The following SLIT2 variants were observed in gnomAD, a reference collection of about 807,000 sequenced individuals.
SLIT2 encodes slit guidance ligand 2, also known as slit homolog 2 protein.
In SLIT2, 41 loss-of-function variants were observed where a neutral mutation model predicts 185.7. That is an observed-to-expected ratio of 0.22 (90% CI 0.17 to 0.29). SLIT2 has a LOEUF of 0.29. Ranked by LOEUF, SLIT2 falls within the 10% of genes least tolerant of loss-of-function variation. The probability of loss-of-function intolerance (pLI) is 1.00; values close to 1 mark genes in which losing one functional copy is unlikely to be tolerated. For missense variants in SLIT2, 1,571 were observed against 1,909.0 expected (o/e 0.82, Z 3.30); for synonymous variants, 693 against 680.2 (o/e 1.02, Z -0.29).
At chr4:20,595,952 G>T (rs933574930) in intron 31 of SLIT2, 118 bp downstream of exon 31, 15 of 857,822 alleles carry the variant, frequency 1.7e-5, no homozygotes, top group Non-Finnish European at 2.7e-5. Flanking sequence ...TAACTGGATT[G>T]TTTGTAACAC....
At chr4:20,557,866 G>A (rs1365522240) in intron 26 of SLIT2, among the ~76,000 whole-genome samples, 1 of 152,018 alleles carries the variant, frequency 6.6e-6, no homozygotes, top group Non-Finnish European at 1.5e-5. Flanking sequence ...GGAAGAAGTT[G>A]ATTCCAATCT....
At chr4:20,300,166 T>C (rs1716905523) in intron 4 of SLIT2, among the ~76,000 whole-genome samples, 1 of 152,068 alleles carries the variant, frequency 6.6e-6, no homozygotes, top group Non-Finnish European at 1.5e-5. Flanking sequence ...CATGACTCTA[T>C]TATATGACTT....
rs1260071971 is a variant in SLIT2 at position 20,518,255 on chromosome 4, ATTT to A, written c.1059-1114_1059-1112del. 1.6e-3 allele frequency among the ~76,000 whole-genome samples: 138 copies of A among 87,488 alleles called. 3 individuals carry two copies. The highest frequency in any genetic ancestry group is 5.2e-3 in the African/African-American group (130 of 24,802). 57.4% of individuals were successfully genotyped at this position (87,488 alleles called of 152,430 possible). Reference sequence around the variant, plus strand: ...TGTGTGTGTGTATATATATATATATATTTTTTTTTTTTTTTGAGACAGAGTCTC... The same window carrying A: ...TGTGTGTGTGTATATATATATATATATTTTTTTTTTTTGAGACAGAGTCTC... On this transcript the variant is annotated intron_variant, in intron 11 of 36. Transcript: ENST00000504154.
intron 4 of SLIT2, among the ~76,000 whole-genome samples, chr4:20,455,574 T>C (rs1712976749): frequency 6.6e-6 from 1 of 152,142 alleles, no homozygotes; most frequent in South Asian, 2.1e-4. Flanking sequence ...AAAAATGTGT[T>C]ATATTTATAC....
At chr4:20,383,865 G>T (rs1403055956) in intron 4 of SLIT2, among the ~76,000 whole-genome samples, 1 of 151,990 alleles carries the variant, frequency 6.6e-6, no homozygotes, top group Non-Finnish European at 1.5e-5. Flanking sequence ...ACCATGCCTG[G>T]CTAATTTTTT....
At chr4:20,518,777 T>G (rs1387370109) in intron 11 of SLIT2, among the ~76,000 whole-genome samples, 1 of 140,598 alleles carries the variant, frequency 7.1e-6, no homozygotes, top group Non-Finnish European at 1.5e-5. Context: ...GCTAATTTTT[T>G]TGTGTTTTTT....
chr4:20,270,555 C>A lies in SLIT2; in HGVS notation c.395+1674C>A, dbSNP rs917184090. 4.6e-5 allele frequency among the ~76,000 whole-genome samples: 7 copies of A among 151,936 alleles called. 1 individual carries two copies. The highest frequency in any genetic ancestry group is 7.4e-5 in the Non-Finnish European group (5 of 67,884). ...ACAGCATTTCCTAATTAATTAAATG[C>A]GTGTTGGAAAATGGGGAAACAGGCA... On this transcript the variant is annotated intron_variant, in intron 4 of 36. Coordinates refer to ENST00000504154, the MANE Select transcript of SLIT2 (RefSeq NM_004787.4).
chr4:20,493,372 G>T (rs940595267), intron 9 of SLIT2, among the ~76,000 whole-genome samples: 2 of 152,138 alleles, frequency 1.3e-5, no homozygotes, highest in South Asian at 4.1e-4. Context: ...TCTCATAAGG[G>T]AACTATATAG....
rs773059049 is a variant in SLIT2 at position 20,541,643 on chromosome 4, T to C, written c.2143+24T>C. ...CGGTAAGAAATACTTATCAACTCTT[T>C]GATTGTCAGGCATTCACATGCCTGT... On this transcript the variant is annotated intron_variant, in intron 20 of 36. Transcript: ENST00000504154. 1.9e-6 allele frequency: 3 copies of C among 1,607,060 alleles called. No homozygotes were observed. The East Asian group carries it at 6.7e-5, about 36-fold the overall frequency.
intron 4 of SLIT2, among the ~76,000 whole-genome samples, chr4:20,465,253 G>C (rs1714207516): frequency 6.6e-6 from 1 of 152,052 alleles, no homozygotes; most frequent in Admixed American, 6.6e-5. Context: ...TCATTGTTTA[G>C]CATGAACACC....
chr4:20,618,900 C>A lies in SLIT2; in HGVS notation c.4481C>A (p.Pro1494Gln), dbSNP rs568739936. 1.2e-6 allele frequency: 2 copies of A among 1,614,058 alleles called. No homozygotes were observed. Among genetic ancestry groups the A allele is most frequent in the South Asian group, 1.1e-5 (1 of 91,088 alleles). The change falls in exon 37 of 37, where the codon CCG becomes CAG. Residue 1494 changes from proline (P) to glutamine (Q), a missense_variant. Pro to Gln is a moderately conservative substitution (Grantham distance 76). This residue lies in a region of SLIT2 where 223 missense variants were observed against 245.2 expected (regional missense o/e 0.91). Transcript: ENST00000504154. ...GGCAGGQCCG[P>Q]LRSKRRKYSF... ...TGTGCAGGAGGGCAGTGCTGTGGAC[C>A]GCTGAGGAGCAAGCGGCGGAAATAC...
chr4:20,445,706 T>A (rs1038148879), intron 4 of SLIT2, among the ~76,000 whole-genome samples: 6 of 152,152 alleles, frequency 3.9e-5, no homozygotes, highest in African/African-American at 1.4e-4. Flanking sequence ...TATCCAAGGG[T>A]TCTAAGCTCT....
intron 4 of SLIT2, among the ~76,000 whole-genome samples, chr4:20,291,390 G>A (rs1715800618): frequency 7.0e-6 from 1 of 143,716 alleles, no homozygotes; most frequent in Admixed American, 7.0e-5. Flanking sequence ...AGGAGAATGG[G>A]GCCTGAAATC....
In SLIT2 at chr4:20,472,540, C is replaced by CTATATAGATATATATCGA. The variant is rs1560454969; in HGVS notation, c.467+4722_467+4723insAGATATATATCGATATAT. 8.4e-4 allele frequency among the ~76,000 whole-genome samples: 8 copies of CTATATAGATATATATCGA among 9,494 alleles called. 2 individuals are homozygous for CTATATAGATATATATCGA. Among genetic ancestry groups the CTATATAGATATATATCGA allele is most frequent in the East Asian group, 0.022 (2 of 90 alleles). The allele number at this position is 9,494 out of a possible 152,430, so 6.2% of individuals were successfully genotyped here. A position where few individuals can be genotyped will look rare whatever the true frequency, so the allele number is the denominator to read the frequency against. ...GATATATATCTATATATAGATATATCTATATCTATATATAGATATATATCT... is the reference window on the plus strand; with the variant it reads ...GATATATATCTATATATAGATATATCTATATAGATATATATCGATATATCTATATATAGATATATATCT... On this transcript the variant is annotated intron_variant, in intron 5 of 36. Transcript: ENST00000504154.
In SLIT2 at chr4:20,257,113, T is replaced by G. The variant is rs184587663; in HGVS notation, c.251+370T>G. Among the ~76,000 whole-genome samples, 67 of 152,276 alleles carry G rather than the reference T, an allele frequency of 4.4e-4. 1 individual carries two copies. The highest frequency in any genetic ancestry group is 4.2e-3 in the Admixed American group (64 of 15,306). ...CTAAAATATTTAAGTGGATCTGTAT[T>G]TTATTATTGATAACAAAAGGATTCT... is the stretch of plus-strand genomic sequence containing the variant. On this transcript the variant is annotated intron_variant, in intron 2 of 36. Coordinates refer to ENST00000504154, the MANE Select transcript of SLIT2 (RefSeq NM_004787.4).
Position 20,618,765 on chromosome 4 carries a change from T to C in SLIT2, c.4349-3T>C. The stretch of plus-strand genomic sequence containing the variant: ...AATGCTTGTGCTTTTTGTTCTTTTC[T>C]AGAAATCTCTTGTCGAGGGGAAAGG... On this transcript the variant is annotated splice_region_variant and splice_polypyrimidine_tract_variant and intron_variant, in intron 36 of 36. Transcript: ENST00000504154. 1.9e-6 allele frequency: 3 copies of C among 1,579,806 alleles called. No individual in the cohort carries two copies. In the South Asian group the frequency reaches 3.4e-5, roughly 18 times the overall value.
rs114491711 is a variant in SLIT2 at position 20,498,996 on chromosome 4, T to C, written c.914+7097T>C. The stretch of plus-strand genomic sequence containing the variant: ...TTCTTTGAGAAATCTCTGTACTGTC[T>C]TCCATAGAGGTTGAATGTTGAACTA... On this transcript the variant is annotated intron_variant, in intron 9 of 36. Coordinates refer to ENST00000504154, the MANE Select transcript of SLIT2 (RefSeq NM_004787.4). Among the ~76,000 whole-genome samples, 694 of 152,362 alleles carry C rather than the reference T, an allele frequency of 4.6e-3. 5 individuals are homozygous for C. Among genetic ancestry groups the C allele is most frequent in the African/African-American group, 0.016 (661 of 41,584 alleles).
chr4:20,562,963 A>G (rs1724815658), intron 26 of SLIT2, among the ~76,000 whole-genome samples: 1 of 151,694 alleles, frequency 6.6e-6, no homozygotes, highest in Non-Finnish European at 1.5e-5. Flanking sequence ...GCTTTTGGTA[A>G]TAAATCAAAA....
chr4:20,574,173 C>T (rs1436831105), intron 29 of SLIT2, among the ~76,000 whole-genome samples: 1 of 151,790 alleles, frequency 6.6e-6, no homozygotes, highest in Non-Finnish European at 1.5e-5. Context: ...CCAGGATGGT[C>T]TCGATCTCCT....
Sources: allele counts gnomAD v4.1 joint callset (sites outside exome capture counted in the v4.1 genomes callset), GRCh38; gene constraint gnomAD v4.1.1; regional missense constraint gnomAD v4.1.1; transcripts MANE v1.5; gene names NCBI Gene and HGNC (gene_info 2026-07-23, HGNC 2026-07-21).